The following CACNA1D variants were observed in gnomAD, a reference collection of about 807,000 sequenced individuals.
CACNA1D encodes the protein voltage-dependent L-type calcium channel subunit alpha-1D.
CACNA1D carries 55 observed loss-of-function variants against 257.1 expected under a neutral mutation model. The ratio of observed to expected loss-of-function variants is 0.21; its 90% confidence interval spans 0.17 to 0.27. The LOEUF (loss-of-function observed/expected upper bound fraction) is 0.27, where lower values mean the gene tolerates loss of function less well. Ranked by LOEUF, CACNA1D falls within the 10% of genes least tolerant of loss-of-function variation. The probability of loss-of-function intolerance (pLI) is 1.00; values close to 1 mark genes in which losing one functional copy is unlikely to be tolerated. For synonymous variants in CACNA1D, 980 were observed against 1,014.9 expected (o/e 0.97, Z 0.65); for missense variants, 1,876 against 2,784.0 (o/e 0.67, Z 7.34).
rs6147823 is a variant in CACNA1D, at chr3:53,782,264, G to GTGTATATATATATA, written c.4792+598_4792+599insGTATATATATATAT. The GTGTATATATATATA allele has an allele frequency of 8.8e-3, 665 of 75,412 alleles. 8 individuals carry two copies. Among genetic ancestry groups the GTGTATATATATATA allele is most frequent in the Admixed American group, 0.029 (158 of 5,384 alleles). The allele number at this position is 75,412 out of a possible 1,614,324, so 4.7% of individuals were successfully genotyped here. On this transcript the variant is annotated intron_variant, in intron 39 of 47. Transcript: ENST00000350061. ...AGTGTGTGTGTGTGTGTGTGTGTGT[G>GTGTATATATATATA]TATATATATATATATATATATATAT...
chr3:53,724,520 G>T (rs2094912520), intron 14 of CACNA1D, among the ~76,000 whole-genome samples: 1 of 152,184 alleles, frequency 6.6e-6, no homozygotes, highest in Non-Finnish European at 1.5e-5. Flanking sequence ...GATTCTGAGG[G>T]TGCCTGTCCT....
chr3:53,552,716 T>G (rs2092560079), intron 3 of CACNA1D, among the ~76,000 whole-genome samples: 1 of 152,194 alleles, frequency 6.6e-6, no homozygotes. Context: ...TCTTTGGACT[T>G]TCTTTCCTAT....
rs576547272 is a variant in CACNA1D, at chr3:53,714,155, T to G, written c.1391-4146T>G. ...TCTAACAAAGCTCTAACATTCCAGT[T>G]TCCTGAAATGTGTCAGGGAAGAGGC... On this transcript the variant is annotated intron_variant, in intron 9 of 47. Coordinates refer to ENST00000350061, the MANE Select transcript of CACNA1D (RefSeq NM_001128840.3). Among the ~76,000 whole-genome samples the G allele has an allele frequency of 2.0e-5, 3 of 152,330 alleles. No individual in the cohort carries two copies. The South Asian group carries it at 6.2e-4, about 32-fold the overall frequency.
intron 3 of CACNA1D, among the ~76,000 whole-genome samples, chr3:53,522,933 C>A (rs1329711130): frequency 6.6e-6 from 1 of 152,232 alleles, no homozygotes; most frequent in Non-Finnish European, 1.5e-5. Context: ...CCCCTCTTCT[C>A]AGCCTCTGAT....
intron 3 of CACNA1D, among the ~76,000 whole-genome samples, chr3:53,604,442 A>G (rs544009534): frequency 2.9e-4 from 44 of 152,310 alleles, no homozygotes; most frequent in South Asian, 1.5e-3. Context: ...TGGGGCTGGC[A>G]CATTGTTGAG....
chr3:53,597,665 G>A (rs757313434), intron 3 of CACNA1D, among the ~76,000 whole-genome samples: 21 of 152,280 alleles, frequency 1.4e-4, no homozygotes, highest in Non-Finnish European at 2.5e-4. Context: ...GGCTGATGCT[G>A]GGAATGAGAC....
chr3:53,677,724 T>A (rs1311953791), intron 8 of CACNA1D, among the ~76,000 whole-genome samples: 1 of 152,252 alleles, frequency 6.6e-6, no homozygotes, highest in Non-Finnish European at 1.5e-5. Context: ...ATTGTTATTA[T>A]ATATTTGACA....
In CACNA1D at chr3:53,650,847, A is replaced by G; in HGVS notation, c.552A>G (p.Gly184=). Residue 184 remains glycine (G), a synonymous_variant, in exon 4 of 48, where the codon GGA becomes GGG. Coordinates refer to ENST00000350061, the MANE Select transcript of CACNA1D (RefSeq NM_001128840.3). ...CATTTTTGAAGATTATAGCGTATGGATTATTGCTACATCCTAATGCTTATG... is the reference window on the plus strand; with the variant it reads ...CATTTTTGAAGATTATAGCGTATGGGTTATTGCTACATCCTAATGCTTATG... ...VETFLKIIAY[G]LLLHPNAYVR... The G allele has an allele frequency of 6.2e-7, 1 of 1,609,766 alleles. No individual in the cohort carries two copies. Among genetic ancestry groups the G allele is most frequent in the African/African-American group, 1.3e-5 (1 of 74,896 alleles).
intron 45 of CACNA1D, among the ~76,000 whole-genome samples, chr3:53,806,272 C>T (rs1337238214): frequency 6.7e-6 from 1 of 149,276 alleles, no homozygotes; most frequent in Non-Finnish European, 1.5e-5. Context: ...CTGCTTCTCC[C>T]TCATCTTCCT....
At chr3:53,580,496 C>T (rs746232837) in intron 3 of CACNA1D, among the ~76,000 whole-genome samples, 3 of 152,232 alleles carry the variant, frequency 2.0e-5, no homozygotes, top group Admixed American at 6.5e-5. Flanking sequence ...AGGTGCTTGT[C>T]TGTGGGGCAA....
At position 53,723,582 on chromosome 3, in the gene CACNA1D, G is replaced by T. The variant is rs758773865; in HGVS notation, c.1815G>T (p.Val605=). Residue 605 remains valine (V), a synonymous_variant, in exon 13 of 48, where the codon GTG becomes GTT. Transcript: ENST00000350061. This position sits in a 1 kb window ranked among gnomAD's most constrained non-coding sequence, Gnocchi z 5.6. ...VCGGITETIL[V]ELEIMSPLGI... ...GTGGAATCACTGAGACGATCTTGGTGGAACTGGAAATCATGTCTCCCCTGG... is the reference window on the plus strand; with the variant it reads ...GTGGAATCACTGAGACGATCTTGGTTGAACTGGAAATCATGTCTCCCCTGG... The T allele has an allele frequency of 6.2e-7, 1 of 1,614,118 alleles. No homozygotes were observed. The highest frequency in any genetic ancestry group is 1.7e-5 in the Admixed American group (1 of 60,016).
chr3:53,597,982 T>C (rs1373441724), intron 3 of CACNA1D, among the ~76,000 whole-genome samples: 1 of 152,212 alleles, frequency 6.6e-6, no homozygotes, highest in East Asian at 1.9e-4. Flanking sequence ...TGCATGGCCT[T>C]TTCCTGGCAG....
intron 3 of CACNA1D, among the ~76,000 whole-genome samples, chr3:53,542,580 TTAAATAAA>T (rs3054119): frequency 6.7e-6 from 1 of 148,962 alleles, no homozygotes; most frequent in African/African-American, 2.5e-5. Flanking sequence ...ACCCTGTTGC[TTAAATAAA>T]TAAATAAATA....
At chr3:53,648,147 C>T (rs927294154) in intron 3 of CACNA1D, among the ~76,000 whole-genome samples, 7 of 151,950 alleles carry the variant, frequency 4.6e-5, no homozygotes, top group African/African-American at 9.7e-5. Flanking sequence ...GCTGTCTTGA[C>T]GTAGGTATGT....
Position 53,634,201 on chromosome 3 carries a change from T to C in CACNA1D, c.484-16578T>C, listed in dbSNP as rs371406302. 1.4e-4 allele frequency among the ~76,000 whole-genome samples: 22 copies of C among 152,342 alleles called. No individual in the cohort carries two copies. In the East Asian group the frequency reaches 4.2e-3, roughly 29 times the overall value. On this transcript the variant is annotated intron_variant, in intron 3 of 47. Transcript: ENST00000350061. ...CCTTAGAACATATGTTTATGAAGTA[T>C]AGAGCTCAAATGTAATGATTTCAGT...
chr3:53,505,119 T>TG (rs1374451870), intron 3 of CACNA1D, among the ~76,000 whole-genome samples: 5 of 145,044 alleles, frequency 3.4e-5, no homozygotes, highest in African/African-American at 7.7e-5. Flanking sequence ...TTATTTGTTT[T>TG]TTTTTTTTTT....
chr3:53,696,032 C>T (rs2094570185), intron 8 of CACNA1D, among the ~76,000 whole-genome samples: 1 of 152,178 alleles, frequency 6.6e-6, no homozygotes. Flanking sequence ...GGTACAGTCA[C>T]AGCTCACTGC....
rs76241026 is a variant in CACNA1D at position 53,792,994 on chromosome 3, G to A, written c.4923+6042G>A. 9.1e-3 allele frequency among the ~76,000 whole-genome samples: 1,391 copies of A among 152,328 alleles called. 24 individuals carry two copies. Among genetic ancestry groups the A allele is most frequent in the African/African-American group, 0.031 (1,308 of 41,568 alleles). ...GCCCAAGGGCAGGTTTGACTGCTTC[G>A]TGCTGCACCACATGGTGATGTGGGG... On this transcript the variant is annotated intron_variant, in intron 40 of 47. Transcript: ENST00000350061.
intron 8 of CACNA1D, among the ~76,000 whole-genome samples, chr3:53,689,853 G>A (rs1470396450): frequency 6.6e-6 from 1 of 152,020 alleles, no homozygotes; most frequent in Non-Finnish European, 1.5e-5. Flanking sequence ...GTAGAAACAG[G>A]ATCTCTCTAT....
Sources: gnomAD v4.1 joint callset for allele counts (sites outside exome capture counted in the v4.1 genomes callset) on GRCh38, gnomAD v4.1.1 for gene constraint, Gnocchi (gnomAD v3.1) non-coding constraint, MANE v1.5 for transcripts, NCBI Gene and HGNC (gene_info 2026-07-23, HGNC 2026-07-21) for gene names.